Variants in YIPF4 observed in about 807,000 individuals in gnomAD.
YIPF4 encodes protein YIPF4.
YIPF4 carries 18 observed loss-of-function variants against 29.4 expected under a neutral mutation model. The ratio of observed to expected loss-of-function variants is 0.61; its 90% CI spans 0.42 to 0.91. The LOEUF (loss-of-function observed/expected upper bound fraction) is 0.91, where lower values mean the gene tolerates loss of function less well. Among genes scored for constraint, YIPF4 ranks in the 40% least tolerant of loss-of-function variants. The pLI, the probability that YIPF4 is intolerant of heterozygous loss-of-function variation, is 0.00. For missense variants in YIPF4, 279 were observed against 282.7 expected, an observed-to-expected ratio of 0.99 and a Z score of 0.09; for synonymous variants, 115 against 104.7, an observed-to-expected ratio of 1.10 and a Z score of -0.60.
chr2:32,278,625 G>A (rs2030223329), intron 1 of YIPF4, among the ~76,000 whole-genome samples: 1 of 152,018 alleles, frequency 6.6e-6, no homozygotes, highest in African/African-American at 2.4e-5. Context: ...AAGGAGGGCT[G>A]TTTTCTTCTG....
At chr2:32,303,176 C>A (rs1176182600) in intron 5 of YIPF4, among the ~76,000 whole-genome samples, 3 of 152,080 alleles carry the variant, frequency 2.0e-5, no homozygotes, top group Admixed American at 6.6e-5. Flanking sequence ...ATCAATCAGC[C>A]TGGGCAACGT....
At chr2:32,282,885 G>T (rs1000668268) in intron 1 of YIPF4, among the ~76,000 whole-genome samples, 6 of 151,898 alleles carry the variant, frequency 4.0e-5, no homozygotes, top group Non-Finnish European at 8.8e-5. Context: ...GACCATCCTG[G>T]CTAACAAGGT....
chr2:32,302,769 A>G (rs902164200), intron 5 of YIPF4, among the ~76,000 whole-genome samples: 6 of 152,204 alleles, frequency 3.9e-5, no homozygotes, highest in South Asian at 2.1e-4. Context: ...AACTGCTGTT[A>G]TGTAGCTTCC....
intron 1 of YIPF4, among the ~76,000 whole-genome samples, chr2:32,287,179 A>T (rs2030714148): frequency 6.6e-6 from 1 of 152,180 alleles, no homozygotes; most frequent in South Asian, 2.1e-4. Flanking sequence ...TGGGAGGTGG[A>T]GATTGCAGTG....
Position 32,315,206 on chromosome 2 carries a change from G to A in YIPF4, c.*9580G>A, listed in dbSNP as rs2031797851. 1 of 152,304 alleles carries A rather than the reference G, an allele frequency of 6.6e-6. No homozygotes were observed. Among genetic ancestry groups the A allele is most frequent in the Middle Eastern group, 3.4e-3 (1 of 294 alleles). The allele number at this position is 152,304 out of a possible 1,614,324, so 9.4% of individuals were successfully genotyped here. On this transcript the variant is annotated 3_prime_UTR_variant, in exon 6 of 6. Transcript: ENST00000238831. ...AGCAGGAAGAAGATGAAGCTTAAGAGACCAAATGGAGCATGTCAGTCAAAG... is the reference window on the plus strand; with the variant it reads ...AGCAGGAAGAAGATGAAGCTTAAGAAACCAAATGGAGCATGTCAGTCAAAG...
At chr2:32,295,879 A>C (rs1256876446) in intron 3 of YIPF4, among the ~76,000 whole-genome samples, 1 of 152,196 alleles carries the variant, frequency 6.6e-6, no homozygotes, top group African/African-American at 2.4e-5. Flanking sequence ...CTGGGATTAC[A>C]GGTGTGAACC....
rs866918768 is a variant in YIPF4, at chr2:32,310,768, G to A, written c.*5142G>A. 100 of 152,204 alleles carry A rather than the reference G, an allele frequency of 6.6e-4. 1 individual carries two copies. The highest frequency in any genetic ancestry group is 2.3e-3 in the African/African-American group (97 of 41,420). 9.4% of individuals were successfully genotyped at this position (152,204 alleles called of 1,614,324 possible). A position where few individuals can be genotyped will look rare whatever the true frequency, so the allele number is the denominator to read the frequency against. On this transcript the variant is annotated 3_prime_UTR_variant, in exon 6 of 6. Coordinates refer to ENST00000238831, the MANE Select transcript of YIPF4 (RefSeq NM_032312.4). Reference sequence around the variant, plus strand: ...ACCTGCCTGTGGTCCCAGCTACTCAGGAGGCTGTGAGGCAGGAGAATTGCT... The same window carrying A: ...ACCTGCCTGTGGTCCCAGCTACTCAAGAGGCTGTGAGGCAGGAGAATTGCT...
At chr2:32,285,468 G>T (rs949157200) in intron 1 of YIPF4, among the ~76,000 whole-genome samples, 1 of 151,998 alleles carries the variant, frequency 6.6e-6, no homozygotes, top group African/African-American at 2.4e-5. Context: ...TATAATACCT[G>T]CAGCTCACAA....
In YIPF4 at chr2:32,282,520, C is replaced by T. The variant is rs552084800; in HGVS notation, c.79+4286C>T. Among the ~76,000 whole-genome samples the T allele has an allele frequency of 4.6e-5, 7 of 152,248 alleles. No individual in the cohort carries two copies. In the South Asian group the frequency reaches 1.4e-3, roughly 32 times the overall value. The stretch of plus-strand genomic sequence containing the variant: ...CCATCTTGGCTCACTGCAACCTCTG[C>T]CTCCCGGGTTCAAGCGATTCTTCTG... On this transcript the variant is annotated intron_variant, in intron 1 of 5. Coordinates refer to ENST00000238831, the MANE Select transcript of YIPF4 (RefSeq NM_032312.4).
At chr2:32,283,893 T>G (rs1243542617) in intron 1 of YIPF4, among the ~76,000 whole-genome samples, 1 of 149,990 alleles carries the variant, frequency 6.7e-6, no homozygotes, top group Non-Finnish European at 1.5e-5. Flanking sequence ...AATTTTTGTA[T>G]TTTTTTAATA....
rs114817012 is a variant in YIPF4 at position 32,279,857 on chromosome 2, A to G, written c.79+1623A>G. 5.6e-3 allele frequency among the ~76,000 whole-genome samples: 849 copies of G among 150,416 alleles called. 10 individuals are homozygous for G. Among genetic ancestry groups the G allele is most frequent in the African/African-American group, 0.019 (795 of 41,202 alleles). ...TGTACAATAAAATTTTTGTCTATCA[A>G]AGGGAACATAGCTGAGACATTTATT... is the stretch of plus-strand genomic sequence containing the variant. On this transcript the variant is annotated intron_variant, in intron 1 of 5. Transcript: ENST00000238831.
chr2:32,292,674 A>G (rs2030968489), intron 3 of YIPF4, among the ~76,000 whole-genome samples: 1 of 151,964 alleles, frequency 6.6e-6, no homozygotes, highest in South Asian at 2.1e-4. Flanking sequence ...CATCCTGGCC[A>G]ACATGGTGGA....
rs2031828619 is a variant in YIPF4 at position 32,316,146 on chromosome 2, A to C, written c.*10520A>C. 6.6e-6 allele frequency: 1 copy of C among 152,134 alleles called. No individual in the cohort carries two copies. The highest frequency in any genetic ancestry group is 2.1e-4 in the South Asian group (1 of 4,834). The allele number at this position is 152,134 out of a possible 1,614,324, so 9.4% of individuals were successfully genotyped here. A position where few individuals can be genotyped will look rare whatever the true frequency, so the allele number is the denominator to read the frequency against. On this transcript the variant is annotated 3_prime_UTR_variant, in exon 6 of 6. Transcript: ENST00000238831. ...ATTCTACAGGAAAAAGATGAACTAC[A>C]AATTGGGGAAAAATATTTGTAGGAC...
At chr2:32,305,411 C>A in intron 5 of YIPF4, 78 bp from the exon 6 acceptor site, 3 of 1,370,424 alleles carry the variant, frequency 2.2e-6, no homozygotes, top group Non-Finnish European at 1.9e-6. Flanking sequence ...TTGTAAACAC[C>A]ATTTTTACTC....
At chr2:32,286,951 A>T (rs777928530) in intron 1 of YIPF4, among the ~76,000 whole-genome samples, 5 of 152,212 alleles carry the variant, frequency 3.3e-5, no homozygotes, top group Non-Finnish European at 5.9e-5. Flanking sequence ...ATACATTAAA[A>T]TGGTATCCTT....
intron 1 of YIPF4, among the ~76,000 whole-genome samples, chr2:32,279,851 C>G (rs1241858548): frequency 6.8e-6 from 1 of 148,092 alleles, no homozygotes; most frequent in Admixed American, 6.7e-5. Context: ...AAATTTTTGT[C>G]TATCAAAGGG....
chr2:32,279,708 C>G (rs866360111), intron 1 of YIPF4, among the ~76,000 whole-genome samples: 2 of 151,528 alleles, frequency 1.3e-5, no homozygotes, highest in Non-Finnish European at 2.9e-5. Context: ...CGCGCCCGGC[C>G]GAAAGAACCT....
At chr2:32,288,537 G>A (rs980754127) in intron 1 of YIPF4, among the ~76,000 whole-genome samples, 2 of 152,078 alleles carry the variant, frequency 1.3e-5, no homozygotes, top group Admixed American at 1.3e-4. Flanking sequence ...GGCCTGGCGC[G>A]GTGGCTCACA....
chr2:32,307,254 T>C lies in YIPF4; in HGVS notation c.*1628T>C. 1 of 736,628 alleles carries C rather than the reference T, an allele frequency of 1.4e-6. No individual in the cohort carries two copies. Among genetic ancestry groups the C allele is most frequent in the Non-Finnish European group, 1.8e-6 (1 of 544,008 alleles). 45.6% of individuals were successfully genotyped at this position (736,628 alleles called of 1,614,324 possible). A position where few individuals can be genotyped will look rare whatever the true frequency, so the allele number is the denominator to read the frequency against. On this transcript the variant is annotated 3_prime_UTR_variant, in exon 6 of 6. Coordinates refer to ENST00000238831, the MANE Select transcript of YIPF4 (RefSeq NM_032312.4). ...GTTAATACTTTGTTATAATGGATTA[T>C]AATATTTGACATTCATAGTGTTGAC...
Sources: allele counts gnomAD v4.1 joint callset (sites outside exome capture counted in the v4.1 genomes callset), GRCh38; gene constraint gnomAD v4.1.1; transcripts MANE v1.5; gene names NCBI Gene and HGNC (gene_info 2026-07-23, HGNC 2026-07-21).